The following PSD3 variants were observed in gnomAD, a reference collection of about 807,000 sequenced individuals.
PSD3 encodes PH and SEC7 domain-containing protein 3.
PSD3 carries 49 observed loss-of-function variants against 105.5 expected under a neutral mutation model. The observed-to-expected ratio is 0.46, with a 90% CI of 0.37 to 0.59. PSD3 has a LOEUF of 0.59. Among genes scored for constraint, PSD3 ranks in the 20% least tolerant of loss-of-function variants. The probability of loss-of-function intolerance (pLI) is 0.00; values close to 1 mark genes in which losing one functional copy is unlikely to be tolerated. For missense variants in PSD3, 1,561 were observed against 1,263.8 expected, an observed-to-expected ratio of 1.24 and a Z score of -3.57; for synonymous variants, 557 against 457.8, an observed-to-expected ratio of 1.22 and a Z score of -2.77.
intron 1 of PSD3, among the ~76,000 whole-genome samples, chr8:19,055,249 T>A (rs568913543): frequency 6.6e-6 from 1 of 152,306 alleles, no homozygotes; most frequent in African/African-American, 2.4e-5. Flanking sequence ...ACGTCCTAGA[T>A]GATTTATAGA....
At chr8:18,650,015 G>C (rs560193639) in intron 10 of PSD3, among the ~76,000 whole-genome samples, 1 of 152,304 alleles carries the variant, frequency 6.6e-6, no homozygotes, top group East Asian at 1.9e-4. Flanking sequence ...CCAGTCTTAA[G>C]TATTGCTTTG....
At chr8:18,566,295 T>A (rs1476029592) in intron 14 of PSD3, among the ~76,000 whole-genome samples, 2 of 151,938 alleles carry the variant, frequency 1.3e-5, no homozygotes, top group Admixed American at 6.6e-5. Context: ...GAGGCCGAGG[T>A]GGGCAGACTG....
At chr8:18,882,081 G>A (rs1171726354) in intron 2 of PSD3, among the ~76,000 whole-genome samples, 1 of 152,044 alleles carries the variant, frequency 6.6e-6, no homozygotes, top group Non-Finnish European at 1.5e-5. Context: ...GGTGGTGTGT[G>A]CCTGTGCTCC....
intron 7 of PSD3, chr8:18,801,011 C>T (rs1810632636): frequency 3.8e-6 from 1 of 266,144 alleles, no homozygotes; most frequent in African/African-American, 2.2e-5. Context: ...ATCATGCTGT[C>T]CTTAAATATT....
chr8:18,844,980 A>T (rs907686724), intron 4 of PSD3, among the ~76,000 whole-genome samples: 1 of 152,240 alleles, frequency 6.6e-6, no homozygotes, highest in Non-Finnish European at 1.5e-5. Flanking sequence ...GGGAATGTAC[A>T]GCCATGGATG....
chr8:18,946,606 A>G (rs938702370), intron 1 of PSD3, among the ~76,000 whole-genome samples: 1 of 151,358 alleles, frequency 6.6e-6, no homozygotes, highest in Non-Finnish European at 1.5e-5. Flanking sequence ...AAATAATAAA[A>G]TAAATAAAAT....
chr8:19,045,507 C>A (rs1406242756), intron 1 of PSD3, among the ~76,000 whole-genome samples: 1 of 152,162 alleles, frequency 6.6e-6, no homozygotes, highest in East Asian at 1.9e-4. Context: ...TAAGCAACAG[C>A]ACAGATCTCT....
At chr8:18,633,525 C>T (rs1807045472) in intron 10 of PSD3, among the ~76,000 whole-genome samples, 1 of 152,066 alleles carries the variant, frequency 6.6e-6, no homozygotes, top group Non-Finnish European at 1.5e-5. Context: ...GTTTTCTGTT[C>T]CTGTATTAAT....
At chr8:18,667,688 G>A (rs1214987828) in intron 9 of PSD3, among the ~76,000 whole-genome samples, 2 of 152,234 alleles carry the variant, frequency 1.3e-5, no homozygotes, top group African/African-American at 2.4e-5. Context: ...GCACTCCTCA[G>A]CCCTTAGGCA....
chr8:18,832,565 T>C (rs1813764166), intron 4 of PSD3, among the ~76,000 whole-genome samples: 1 of 152,178 alleles, frequency 6.6e-6, no homozygotes, highest in South Asian at 2.1e-4. Flanking sequence ...CTTTTAACTG[T>C]TAACTTAGGA....
chr8:18,986,575 G>T, intron 1 of PSD3, among the ~76,000 whole-genome samples: 1 of 149,254 alleles, frequency 6.7e-6, no homozygotes, highest in Admixed American at 6.7e-5. Context: ...AAAAAAAAAA[G>T]TTCAATGTTT....
intron 11 of PSD3, among the ~76,000 whole-genome samples, chr8:18,612,783 A>G (rs1434906654): frequency 1.3e-5 from 2 of 152,232 alleles, no homozygotes; most frequent in Non-Finnish European, 2.9e-5. Context: ...TTTTGTCCCA[A>G]GTCCTGTATT....
intron 6 of PSD3, among the ~76,000 whole-genome samples, chr8:18,801,982 G>T (rs901936783): frequency 6.6e-6 from 1 of 151,928 alleles, no homozygotes; most frequent in Non-Finnish European, 1.5e-5. Flanking sequence ...AACAAAGACC[G>T]CTTAAGACTC....
At chr8:18,854,777 T>C (rs754649415) in intron 4 of PSD3, among the ~76,000 whole-genome samples, 5 of 152,386 alleles carry the variant, frequency 3.3e-5, no homozygotes, top group African/African-American at 1.2e-4. Flanking sequence ...ATTAATATTA[T>C]ACACAATTTA....
intron 1 of PSD3, among the ~76,000 whole-genome samples, chr8:19,050,797 T>G (rs1038374608): frequency 1.3e-5 from 2 of 152,020 alleles, no homozygotes; most frequent in African/African-American, 4.8e-5. Flanking sequence ...GTAACTAACC[T>G]GCACATTGTG....
intron 9 of PSD3, among the ~76,000 whole-genome samples, chr8:18,707,195 G>C (rs1052262289): frequency 2.0e-5 from 3 of 151,910 alleles, no homozygotes; most frequent in African/African-American, 7.3e-5. Flanking sequence ...CTTCAAAAAC[G>C]CCTCAAAGCT....
chr8:18,804,502 G>C lies in PSD3; in HGVS notation c.1910+20C>G. 6.4e-7 allele frequency: 1 copy of C among 1,560,744 alleles called. No homozygotes were observed. Among genetic ancestry groups the C allele is most frequent in the African/African-American group, 1.4e-5 (1 of 73,494 alleles). ...AATCATTTGAAAGCAATGACGAGCA[G>C]CAAGGAGGCTTAGTCATACCTGAGT... On this transcript the variant is annotated intron_variant, in intron 6 of 15. Transcript: ENST00000327040.
chr8:18,548,345 ATAT>A (rs1003465394), intron 15 of PSD3, among the ~76,000 whole-genome samples: 6 of 152,088 alleles, frequency 3.9e-5, no homozygotes, highest in Admixed American at 1.3e-4. Context: ...GGTTACTAGA[ATAT>A]TATTATTATT....
chr8:18,651,456 T>C (rs1407397842), intron 10 of PSD3, among the ~76,000 whole-genome samples: 3 of 152,252 alleles, frequency 2.0e-5, no homozygotes, highest in Non-Finnish European at 2.9e-5. Flanking sequence ...AAACTACACA[T>C]TGTAGGCTTA....
Sources: gnomAD v4.1 joint callset for allele counts (sites outside exome capture counted in the v4.1 genomes callset) on GRCh38, gnomAD v4.1.1 for gene constraint, MANE v1.5 for transcripts, NCBI Gene and HGNC (gene_info 2026-07-23, HGNC 2026-07-21) for gene names.